DCAF8L2: variants seen among roughly 807,000 people sequenced by gnomAD.
DCAF8L2 encodes the protein DDB1- and CUL4-associated factor 8-like protein 2.
For missense variants in DCAF8L2, 430 were observed against 490.7 expected (o/e 0.88, Z 1.17); for synonymous variants, 200 against 190.9 (o/e 1.05, Z -0.39).
chrX:27,496,023 C>T, the DCAF8L2 span, among the ~76,000 whole-genome samples: 1 of 111,050 alleles, frequency 9.0e-6, no homozygotes, highest in Non-Finnish European at 1.9e-5. Flanking sequence ...GATATGTATG[C>T]CATGTCATTA....
intron 1 of DCAF8L2, among the ~76,000 whole-genome samples, chrX:27,625,207 A>G (rs1927954379): frequency 8.9e-6 from 1 of 112,245 alleles, no homozygotes; most frequent in Non-Finnish European, 1.9e-5. Flanking sequence ...ATAGTTTTCA[A>G]AAGAAGGCAT....
At chrX:27,660,304 G>C (rs1929510808) in intron 2 of DCAF8L2, among the ~76,000 whole-genome samples, 1 of 112,240 alleles carries the variant, frequency 8.9e-6, no homozygotes, top group Admixed American at 9.4e-5. Flanking sequence ...GATTACAGGT[G>C]TGAGCCACCA....
At chrX:27,703,798 T>C (rs1473327409) in intron 3 of DCAF8L2, among the ~76,000 whole-genome samples, 1 of 110,465 alleles carries the variant, frequency 9.1e-6, no homozygotes, top group Non-Finnish European at 1.9e-5. Context: ...AATAAATCTT[T>C]ATATTTATTT....
intron 2 of DCAF8L2, among the ~76,000 whole-genome samples, chrX:27,635,087 T>C (rs1051268001): frequency 1.8e-5 from 2 of 111,411 alleles, no homozygotes; most frequent in African/African-American, 6.5e-5. Context: ...GTGTAATAGA[T>C]ATATTGACAT....
intron 3 of DCAF8L2, among the ~76,000 whole-genome samples, chrX:27,678,856 A>G (rs1245639486): frequency 8.9e-6 from 1 of 112,050 alleles, no homozygotes; most frequent in Non-Finnish European, 1.9e-5. Context: ...GTATTTTTCC[A>G]TAATGAAAAA....
chrX:27,622,207 G>A (rs1482672618), intron 1 of DCAF8L2, among the ~76,000 whole-genome samples: 2 of 108,641 alleles, frequency 1.8e-5, no homozygotes, highest in Non-Finnish European at 3.8e-5. Flanking sequence ...GGCGGATCAC[G>A]AGGTCAGGAG....
the DCAF8L2 span, among the ~76,000 whole-genome samples, chrX:27,475,815 T>C: frequency 2.7e-5 from 3 of 112,022 alleles, no homozygotes; most frequent in Non-Finnish European, 3.8e-5. Context: ...AAGCTGGAAC[T>C]GATATTTATG....
the DCAF8L2 span, among the ~76,000 whole-genome samples, chrX:27,542,533 C>T: frequency 0.014 from 482 of 33,451 alleles, 2 homozygotes; most frequent in South Asian, 0.054. Context: ...CCTTTGCCTA[C>T]TTTTTTTTTT....
chrX:27,712,576 C>T (rs1253133882), intron 3 of DCAF8L2: 1 of 111,612 alleles, frequency 9.0e-6, no homozygotes, highest in African/African-American at 3.3e-5. Flanking sequence ...GTTCACTTGA[C>T]TACCAGAAAC....
At position 27,729,935 on chromosome X, in the gene DCAF8L2, G is replaced by A. The variant is rs1352027253; in HGVS notation, c.-59+13764G>A. On this transcript the variant is annotated intron_variant, in intron 4 of 4. Transcript: ENST00000451261. The stretch of plus-strand genomic sequence containing the variant: ...TATCCATGGGTACTCAAAGTAAGAG[G>A]CTTCATGGTTGAGATAAGCATTGCA... Among the ~76,000 whole-genome samples, 9 of 112,048 alleles carry A rather than the reference G, an allele frequency of 8.0e-5. No individual in the cohort carries two copies. In the Admixed American group the frequency reaches 8.5e-4, roughly 11 times the overall value.
chrX:27,480,582 G>A, the DCAF8L2 span, among the ~76,000 whole-genome samples: 1 of 111,745 alleles, frequency 8.9e-6, no homozygotes, highest in Non-Finnish European at 1.9e-5. Context: ...CGACTGGGCA[G>A]CTACTACCTT....
At chrX:27,615,391 A>C (rs1327635399) in intron 1 of DCAF8L2, among the ~76,000 whole-genome samples, 1 of 111,953 alleles carries the variant, frequency 8.9e-6, no homozygotes, top group Non-Finnish European at 1.9e-5. Context: ...TAAATTTTAA[A>C]ACATGAAATA....
intron 2 of DCAF8L2, among the ~76,000 whole-genome samples, chrX:27,653,550 T>G (rs1053279548): frequency 1.7e-4 from 19 of 111,401 alleles, no homozygotes; most frequent in Middle Eastern, 4.7e-3. Context: ...GGAAAATATG[T>G]TTTTCTCCAA....
At chrX:27,639,818 T>A (rs1456651950) in intron 2 of DCAF8L2, among the ~76,000 whole-genome samples, 2 of 112,415 alleles carry the variant, frequency 1.8e-5, no homozygotes, top group Non-Finnish European at 3.8e-5. Flanking sequence ...AGAACTTTTC[T>A]CATTTTTAAT....
chrX:27,721,420 G>T (rs1008762911), intron 4 of DCAF8L2, among the ~76,000 whole-genome samples: 4 of 111,495 alleles, frequency 3.6e-5, no homozygotes, highest in Non-Finnish European at 7.5e-5. Flanking sequence ...GATTTTTAAA[G>T]TCCTGAATAT....
intron 2 of DCAF8L2, chrX:27,632,539 C>T (rs1039774994): frequency 1.8e-5 from 2 of 111,673 alleles, no homozygotes; most frequent in Admixed American, 1.9e-4. Context: ...CTCACAAACA[C>T]GAGGCATTTT....
intron 4 of DCAF8L2, among the ~76,000 whole-genome samples, chrX:27,734,148 G>A (rs1921384317): frequency 9.0e-6 from 1 of 111,290 alleles, no homozygotes; most frequent in African/African-American, 3.3e-5. Context: ...GCCACCCTTG[G>A]CATTTCTATT....
At chrX:27,698,815 C>G (rs193285913) in intron 3 of DCAF8L2, among the ~76,000 whole-genome samples, 1 of 111,929 alleles carries the variant, frequency 8.9e-6, no homozygotes, top group Admixed American at 9.5e-5. Context: ...GCAGAGAAAG[C>G]TGGAACTAAC....
At chrX:27,640,831 A>T (rs1267163271) in intron 2 of DCAF8L2, among the ~76,000 whole-genome samples, 1 of 111,486 alleles carries the variant, frequency 9.0e-6, no homozygotes, top group Non-Finnish European at 1.9e-5. Context: ...GGAGTATTTT[A>T]TTATCATTTT....
Sources: allele counts gnomAD v4.1 joint callset (sites outside exome capture counted in the v4.1 genomes callset), GRCh38; gene constraint gnomAD v4.1.1; transcripts MANE v1.5; gene names NCBI Gene and HGNC (gene_info 2026-07-23, HGNC 2026-07-21).